GLRB: variants seen among roughly 807,000 people sequenced by gnomAD.
GLRB encodes glycine receptor beta.
GLRB carries 33 observed loss-of-function variants against 54.2 expected under a neutral mutation model. The ratio of observed to expected loss-of-function variants is 0.61; its 90% CI spans 0.46 to 0.81. The LOEUF (loss-of-function observed/expected upper bound fraction) is 0.81. Ranked by LOEUF, GLRB falls within the 40% of genes least tolerant of loss-of-function variation. GLRB has a pLI of 0.00. For missense variants in GLRB, 572 were observed against 584.6 expected, an observed-to-expected ratio of 0.98 and a Z score of 0.22; for synonymous variants, 209 against 208.2, an observed-to-expected ratio of 1.00 and a Z score of -0.03.
chr4:157,119,194 C>T (rs1735712732), intron 2 of GLRB, among the ~76,000 whole-genome samples: 1 of 151,540 alleles, frequency 6.6e-6, no homozygotes, highest in Non-Finnish European at 1.5e-5. Flanking sequence ...GTAGTTATCT[C>T]TTATAGTATA....
chr4:157,105,434 C>G (rs1735187267), intron 2 of GLRB, among the ~76,000 whole-genome samples: 1 of 152,000 alleles, frequency 6.6e-6, no homozygotes, highest in African/African-American at 2.4e-5. Context: ...GTTTTGGAAC[C>G]TAACATGTGA....
chr4:157,112,524 A>C (rs937836415), intron 2 of GLRB, among the ~76,000 whole-genome samples: 1 of 152,004 alleles, frequency 6.6e-6, no homozygotes, highest in Non-Finnish European at 1.5e-5. Context: ...TTGTAGGTTG[A>C]ATTCTCTTAG....
intron 8 of GLRB, among the ~76,000 whole-genome samples, chr4:157,151,037 G>A (rs1202171371): frequency 2.6e-5 from 4 of 151,864 alleles, no homozygotes; most frequent in African/African-American, 9.7e-5. Context: ...AACTCTGAAG[G>A]CCTTCTATAA....
chr4:157,134,925 T>A (rs1348779962), intron 4 of GLRB, among the ~76,000 whole-genome samples: 1 of 152,080 alleles, frequency 6.6e-6, no homozygotes, highest in Non-Finnish European at 1.5e-5. Flanking sequence ...CACAATTAAG[T>A]CTTATTTTCC....
chr4:157,135,667 T>G (rs2126564090), intron 4 of GLRB, among the ~76,000 whole-genome samples: 1 of 152,254 alleles, frequency 6.6e-6, no homozygotes, highest in East Asian at 1.9e-4. Flanking sequence ...AATTACCCAT[T>G]CTTAGGTATG....
intron 2 of GLRB, among the ~76,000 whole-genome samples, chr4:157,097,119 A>G (rs1048173129): frequency 6.6e-6 from 1 of 152,192 alleles, no homozygotes; most frequent in Non-Finnish European, 1.5e-5. Flanking sequence ...ATGAATTTAT[A>G]GTGTGTGGAT....
chr4:157,099,511 A>G (rs1260573667), intron 2 of GLRB, among the ~76,000 whole-genome samples: 2 of 151,392 alleles, frequency 1.3e-5, no homozygotes, highest in Non-Finnish European at 2.9e-5. Context: ...TAATTTTTGT[A>G]TTTTCAGTAG....
chr4:157,144,023 A>G lies in GLRB; in HGVS notation c.904+64A>G, dbSNP rs1210956853. 4.9e-6 allele frequency: 7 copies of G among 1,439,072 alleles called. No individual in the cohort carries two copies. The East Asian group carries it at 1.1e-4, about 23-fold the overall frequency. The allele number at this position is 1,439,072 out of a possible 1,614,324, so 89.1% of individuals were successfully genotyped here. On this transcript the variant is annotated intron_variant, in intron 8 of 9. Coordinates refer to ENST00000264428, the MANE Select transcript of GLRB (RefSeq NM_000824.5). Reference sequence around the variant, plus strand: ...ATTATATCTTTATCTAACTTACCATATAATCAACTACTTTGAAACAATGAG... The same window carrying G: ...ATTATATCTTTATCTAACTTACCATGTAATCAACTACTTTGAAACAATGAG...
At chr4:157,107,057 G>A (rs1735251999) in intron 2 of GLRB, among the ~76,000 whole-genome samples, 1 of 151,930 alleles carries the variant, frequency 6.6e-6, no homozygotes, top group Non-Finnish European at 1.5e-5. Flanking sequence ...TGTGATCAAT[G>A]AACTTTGGTG....
intron 9 of GLRB, among the ~76,000 whole-genome samples, chr4:157,156,991 C>T (rs1373725497): frequency 1.3e-5 from 2 of 152,110 alleles, no homozygotes; most frequent in African/African-American, 4.8e-5. Flanking sequence ...AGCGGAGGTA[C>T]AAGTCCAGGT....
At position 157,136,375 on chromosome 4, in the gene GLRB, A is replaced by T. The variant is rs559568509; in HGVS notation, c.298-94A>T. On this transcript the variant is annotated intron_variant, in intron 4 of 9. Transcript: ENST00000264428. ...TTGGAAGAACAAAAATATTTGTGCCACTAATCATTGTAACCCTTTTTGTTT... is the reference window on the plus strand; with the variant it reads ...TTGGAAGAACAAAAATATTTGTGCCTCTAATCATTGTAACCCTTTTTGTTT... 23 of 740,748 alleles carry T rather than the reference A, an allele frequency of 3.1e-5. No homozygotes were observed. The Admixed American group carries it at 4.6e-4, about 15-fold the overall frequency. 45.9% of individuals were successfully genotyped at this position (740,748 alleles called of 1,614,324 possible). A position where few individuals can be genotyped will look rare whatever the true frequency, so the allele number is the denominator to read the frequency against.
rs1009949011 is a variant in GLRB, at chr4:157,083,477, C to G, written c.122+5331C>G. Among the ~76,000 whole-genome samples the G allele has an allele frequency of 2.0e-5, 3 of 152,080 alleles. No individual in the cohort carries two copies. In the South Asian group the frequency reaches 6.2e-4, roughly 32 times the overall value. On this transcript the variant is annotated intron_variant, in intron 2 of 9. Transcript: ENST00000264428. Reference sequence around the variant, plus strand: ...CATGATAAGTGGAGGTACGCAGGCACGTGGGATAATTACTTGGTGGGCATA... The same window carrying G: ...CATGATAAGTGGAGGTACGCAGGCAGGTGGGATAATTACTTGGTGGGCATA...
intron 2 of GLRB, among the ~76,000 whole-genome samples, chr4:157,096,703 T>C (rs1316045848): frequency 6.6e-6 from 1 of 152,188 alleles, no homozygotes; most frequent in Non-Finnish European, 1.5e-5. Context: ...AATGAAGATA[T>C]CATTCAAATT....
chr4:157,117,937 G>T (rs1032874748), intron 2 of GLRB, among the ~76,000 whole-genome samples: 3 of 151,642 alleles, frequency 2.0e-5, no homozygotes, highest in Admixed American at 2.0e-4. Context: ...TTAGAGTAAG[G>T]TTGCATGGTT....
At chr4:157,087,309 C>A (rs2126439588) in intron 2 of GLRB, among the ~76,000 whole-genome samples, 1 of 152,184 alleles carries the variant, frequency 6.6e-6, no homozygotes, top group South Asian at 2.1e-4. Context: ...AGAAAGAACA[C>A]CACTGTATCT....
At chr4:157,096,051 A>G (rs1482775000) in intron 2 of GLRB, among the ~76,000 whole-genome samples, 3 of 152,170 alleles carry the variant, frequency 2.0e-5, no homozygotes, top group African/African-American at 4.8e-5. Context: ...GGGAGTGGCC[A>G]GTTGGAGAAA....
chr4:157,166,987 A>G (rs1485391947), intron 9 of GLRB, among the ~76,000 whole-genome samples: 3 of 152,178 alleles, frequency 2.0e-5, no homozygotes, highest in African/African-American at 4.8e-5. Flanking sequence ...AAATTTGGCC[A>G]TTTGTTTAGT....
At chr4:157,098,601 CTCT>C (rs1484424930) in intron 2 of GLRB, among the ~76,000 whole-genome samples, 1 of 151,558 alleles carries the variant, frequency 6.6e-6, no homozygotes, top group African/African-American at 2.4e-5. Context: ...TCACTTTTTT[CTCT>C]TCTTTTCTTT....
chr4:157,113,167 G>A (rs566451401), intron 2 of GLRB, among the ~76,000 whole-genome samples: 73 of 151,846 alleles, frequency 4.8e-4, no homozygotes, highest in Middle Eastern at 3.4e-3. Context: ...AGATATTTTC[G>A]TTGGGCCAGG....
Sources: allele counts gnomAD v4.1 joint callset (sites outside exome capture counted in the v4.1 genomes callset), GRCh38; gene constraint gnomAD v4.1.1; transcripts MANE v1.5; gene names NCBI Gene and HGNC (gene_info 2026-07-23, HGNC 2026-07-21).